Variants in NLK observed in about 807,000 individuals in gnomAD.
NLK encodes the protein serine/threonine-protein kinase NLK.
A neutral mutation model predicts 59.0 loss-of-function variants in NLK; 11 were observed. That is an observed-to-expected ratio of 0.19 (90% CI 0.12 to 0.31). The LOEUF is 0.31. Ranked by LOEUF, NLK falls within the 10% of genes least tolerant of loss-of-function variation. The pLI is 1.00. For missense variants in NLK, 410 were observed against 661.1 expected, an observed-to-expected ratio of 0.62 and a Z score of 4.16; for synonymous variants, 235 against 235.9, an observed-to-expected ratio of 1.00 and a Z score of 0.03.
intron 2 of NLK, among the ~76,000 whole-genome samples, chr17:28,128,677 G>A (rs1212018994): frequency 6.6e-6 from 1 of 152,188 alleles, no homozygotes; most frequent in African/African-American, 2.4e-5. Flanking sequence ...CAAGGACATA[G>A]ATCAACTGAA....
At chr17:28,161,577 C>T (rs1019983105) in intron 4 of NLK, among the ~76,000 whole-genome samples, 7 of 152,108 alleles carry the variant, frequency 4.6e-5, no homozygotes, top group Admixed American at 3.9e-4. Flanking sequence ...TAGTTTTCAA[C>T]GGAATAGGAA....
intron 1 of NLK, among the ~76,000 whole-genome samples, chr17:28,087,265 T>C (rs982208226): frequency 1.3e-5 from 2 of 152,228 alleles, no homozygotes; most frequent in Non-Finnish European, 2.9e-5. Context: ...TTAACTTTTA[T>C]ATAGGCTGTC....
chr17:28,097,647 T>A (rs886892841), intron 1 of NLK, among the ~76,000 whole-genome samples: 1 of 152,178 alleles, frequency 6.6e-6, no homozygotes, highest in Non-Finnish European at 1.5e-5. Flanking sequence ...ATTGCTTTTT[T>A]TCTGTTTGAA....
At chr17:28,134,188 A>G (rs892753831) in intron 3 of NLK, among the ~76,000 whole-genome samples, 1 of 152,164 alleles carries the variant, frequency 6.6e-6, no homozygotes, top group Non-Finnish European at 1.5e-5. Context: ...ACTTGAGCCC[A>G]GGAGTTGAAG....
chr17:28,127,311 T>G (rs543272231), intron 2 of NLK, among the ~76,000 whole-genome samples: 23 of 152,364 alleles, frequency 1.5e-4, no homozygotes, highest in Non-Finnish European at 2.8e-4. Flanking sequence ...TCATTCATTT[T>G]CCTTTGTATA....
intron 1 of NLK, among the ~76,000 whole-genome samples, chr17:28,065,337 G>C (rs1481723071): frequency 6.6e-6 from 1 of 151,900 alleles, no homozygotes; most frequent in Non-Finnish European, 1.5e-5. Flanking sequence ...GAGGGAGAAG[G>C]GCAGCTCAAG....
Position 28,162,015 on chromosome 17 carries a change from A to T in NLK, c.751+749A>T, listed in dbSNP as rs142597911. ...AAATAAATGCCAAAAGGATGAAAAC[A>T]CATAAGCAATTTTTTTTTCAGACAG... On this transcript the variant is annotated intron_variant, in intron 4 of 10. Coordinates refer to ENST00000407008, the MANE Select transcript of NLK (RefSeq NM_016231.5). 1.4e-4 allele frequency among the ~76,000 whole-genome samples: 21 copies of T among 152,108 alleles called. No individual in the cohort carries two copies. The East Asian group carries it at 4.1e-3, about 29-fold the overall frequency.
the NLK span, among the ~76,000 whole-genome samples, chr17:28,203,767 C>T: frequency 6.6e-6 from 1 of 152,154 alleles, no homozygotes. Flanking sequence ...GAACTTCTGA[C>T]CTCAGGTGAT....
intron 1 of NLK, among the ~76,000 whole-genome samples, chr17:28,073,171 T>G (rs993831580): frequency 2.6e-5 from 4 of 152,196 alleles, no homozygotes. Context: ...TGGAGACATA[T>G]TTCTGTTTTA....
rs765080784 is a variant in NLK at position 28,168,494 on chromosome 17, G to A, written c.884G>A (p.Arg295His). The part of the protein sequence containing the change: ...LARVEELDES[R>H]HMTQEVVTQY... Reference sequence around the variant, plus strand: ...AGAGTGGAAGAATTAGATGAATCCCGTCATATGACTCAGGAAGTTGTTACT... The same window carrying A: ...AGAGTGGAAGAATTAGATGAATCCCATCATATGACTCAGGAAGTTGTTACT... Residue 295 changes from arginine (R) to histidine (H), a missense_variant, in exon 6 of 11, where the codon CGT (arginine) becomes CAT (histidine). By Grantham distance (29) the Arg-to-His change is conservative. Around this residue, in one of 5 missense-constraint regions of NLK, gnomAD observed 150 missense variants for 244.3 expected, o/e 0.61. Coordinates refer to ENST00000407008, the MANE Select transcript of NLK (RefSeq NM_016231.5). 174 of 1,613,746 alleles carry A rather than the reference G, an allele frequency of 1.1e-4. No homozygotes were observed. The highest frequency in any genetic ancestry group is 1.3e-4 in the Non-Finnish European group (155 of 1,179,814).
chr17:28,100,455 C>T (rs942824525), intron 1 of NLK, among the ~76,000 whole-genome samples: 1 of 152,186 alleles, frequency 6.6e-6, no homozygotes, highest in Non-Finnish European at 1.5e-5. Flanking sequence ...TTCAGCCATA[C>T]CAGTGGCTGT....
In NLK at chr17:28,094,536, C is replaced by A. The variant is rs192465811; in HGVS notation, c.459-28067C>A. ...CTACTGATTTGCATTTATGGTAATA[C>A]GTAATGTAAAGTCAGTCATCAAAAG... On this transcript the variant is annotated intron_variant, in intron 1 of 10. Coordinates refer to ENST00000407008, the MANE Select transcript of NLK (RefSeq NM_016231.5). Among the ~76,000 whole-genome samples the A allele has an allele frequency of 7.9e-5, 12 of 152,142 alleles. No individual in the cohort carries two copies. In the East Asian group the frequency reaches 1.7e-3, roughly 22 times the overall value.
chr17:28,201,049 C>T (rs1189206205), downstream of NLK, among the ~76,000 whole-genome samples: 1 of 152,144 alleles, frequency 6.6e-6, no homozygotes, highest in African/African-American at 2.4e-5. Flanking sequence ...TCCCATTGAC[C>T]TAGCTGTCTG....
At chr17:28,088,471 ATAAATGCATAATTTGTT>A (rs1318917116) in intron 1 of NLK, among the ~76,000 whole-genome samples, 8 of 152,200 alleles carry the variant, frequency 5.3e-5, no homozygotes, top group African/African-American at 1.9e-4. Flanking sequence ...AAATGATGGG[ATAAATGCATAATTTGTT>A]TGCTTTATTC....
At chr17:28,138,109 G>C (rs961520832) in intron 3 of NLK, among the ~76,000 whole-genome samples, 1 of 152,086 alleles carries the variant, frequency 6.6e-6, no homozygotes, top group Non-Finnish European at 1.5e-5. Flanking sequence ...ATTAGAAAAC[G>C]GAGTTTATTA....
At position 28,115,279 on chromosome 17, in the gene NLK, G is replaced by T. The variant is rs75819494; in HGVS notation, c.459-7324G>T. ...AGTCTCTCTCTACAACATTCTGTTG[G>T]CAGAGCCTAACATGGAGCCAGTTGG... On this transcript the variant is annotated intron_variant, in intron 1 of 10. Coordinates refer to ENST00000407008, the MANE Select transcript of NLK (RefSeq NM_016231.5). Among the ~76,000 whole-genome samples, 999 of 152,280 alleles carry T rather than the reference G, an allele frequency of 6.6e-3. 18 individuals carry two copies. The highest frequency in any genetic ancestry group is 0.022 in the African/African-American group (933 of 41,544).
chr17:28,096,153 AAAT>A (rs1413836599), intron 1 of NLK, among the ~76,000 whole-genome samples: 3 of 152,208 alleles, frequency 2.0e-5, no homozygotes, highest in Non-Finnish European at 4.4e-5. Flanking sequence ...AAACGTTGAA[AAAT>A]AATAGTAATT....
intron 1 of NLK, among the ~76,000 whole-genome samples, chr17:28,094,405 G>A (rs1904625433): frequency 6.6e-6 from 1 of 152,180 alleles, no homozygotes; most frequent in Non-Finnish European, 1.5e-5. Flanking sequence ...TTTACTAGTA[G>A]TGCATTATTA....
chr17:28,094,967 C>T (rs757324813), intron 1 of NLK, among the ~76,000 whole-genome samples: 4 of 152,182 alleles, frequency 2.6e-5, no homozygotes, highest in Admixed American at 6.5e-5. Flanking sequence ...ATTTGCAGCT[C>T]TTCTTTAACC....
Sources: allele counts gnomAD v4.1 joint callset (sites outside exome capture counted in the v4.1 genomes callset), GRCh38; gene constraint gnomAD v4.1.1; regional missense constraint gnomAD v4.1.1; transcripts MANE v1.5; gene names NCBI Gene and HGNC (gene_info 2026-07-23, HGNC 2026-07-21).